The following NINL variants were observed in gnomAD, a reference collection of about 807,000 sequenced individuals.
NINL encodes the protein ninein like.
A neutral mutation model predicts 160.3 loss-of-function variants in NINL; 153 were observed. The ratio of observed to expected loss-of-function variants is 0.95; its 90% CI spans 0.84 to 1.09. The LOEUF (loss-of-function observed/expected upper bound fraction) is 1.09. NINL is among the 50% of genes least tolerant of loss of function. The pLI is 0.00. For synonymous variants in NINL, 800 were observed against 734.8 expected (o/e 1.09, Z -1.43); for missense variants, 1,829 against 1,764.0 (o/e 1.04, Z -0.66).
At position 25,517,862 on chromosome 20, in the gene NINL, A is replaced by C; in HGVS notation, c.181-13T>G. ...CCTCAAAGTTAACCTGGGTGAATTG[A>C]AGGTGAGAGAGGACAATGTCACTTT... On this transcript the variant is annotated splice_polypyrimidine_tract_variant and intron_variant, in intron 2 of 23. Coordinates refer to ENST00000278886, the MANE Select transcript of NINL (RefSeq NM_025176.6). 1 of 1,560,302 alleles carries C rather than the reference A, an allele frequency of 6.4e-7. No individual in the cohort carries two copies.
intron 1 of NINL, among the ~76,000 whole-genome samples, chr20:25,582,052 T>G (rs2065180400): frequency 6.6e-6 from 1 of 151,834 alleles, no homozygotes. Context: ...GGTCAGGAGA[T>G]GGAGACCATC....
chr20:25,474,399 G>A (rs566681295), intron 17 of NINL, among the ~76,000 whole-genome samples: 69 of 152,302 alleles, frequency 4.5e-4, no homozygotes, highest in African/African-American at 1.5e-3. Context: ...AAATGCACAC[G>A]AAGGAAGAAC....
intron 1 of NINL, among the ~76,000 whole-genome samples, chr20:25,533,673 C>A (rs28714346): frequency 6.6e-6 from 1 of 152,134 alleles, no homozygotes; most frequent in Admixed American, 6.6e-5. Context: ...GACCACAAAA[C>A]GGGAAAAAGA....
At chr20:25,461,398 G>C (rs562407944) in intron 21 of NINL, 124 bp downstream of exon 21, 3 of 636,050 alleles carry the variant, frequency 4.7e-6, no homozygotes, top group Non-Finnish European at 8.2e-6. Context: ...CACCTGGACA[G>C]CTGTGCCCAG....
intron 1 of NINL, among the ~76,000 whole-genome samples, chr20:25,584,917 G>T (rs1188716748): frequency 6.6e-6 from 1 of 152,240 alleles, no homozygotes; most frequent in African/African-American, 2.4e-5. Context: ...GATAAAATTC[G>T]CAACAGACTT....
At chr20:25,533,848 T>C (rs1287463300) in intron 1 of NINL, among the ~76,000 whole-genome samples, 1 of 152,268 alleles carries the variant, frequency 6.6e-6, no homozygotes, top group Non-Finnish European at 1.5e-5. Context: ...AAGCTTTTTA[T>C]AGTTTTAACT....
At chr20:25,482,127 T>A in intron 13 of NINL, 27 bp from the exon 14 acceptor site, 1 of 1,581,120 alleles carries the variant, frequency 6.3e-7, no homozygotes, top group Non-Finnish European at 8.6e-7. Context: ...AGCCACCTCC[T>A]CTAGCAGCTG....
chr20:25,560,791 T>A (rs1307636786), intron 1 of NINL, among the ~76,000 whole-genome samples: 1 of 151,994 alleles, frequency 6.6e-6, no homozygotes, highest in African/African-American at 2.4e-5. Flanking sequence ...GGAGGCAGCA[T>A]CTGAGGGCTC....
At chr20:25,544,178 G>T (rs1199293085) in intron 1 of NINL, among the ~76,000 whole-genome samples, 1 of 146,562 alleles carries the variant, frequency 6.8e-6, no homozygotes, top group Non-Finnish European at 1.5e-5. Flanking sequence ...TCTGTTCACT[G>T]CCCACAATTT....
chr20:25,547,615 G>A lies in NINL; in HGVS notation c.-11-21017C>T, dbSNP rs546751300. On this transcript the variant is annotated intron_variant, in intron 1 of 23. Transcript: ENST00000278886. Reference sequence around the variant, plus strand: ...CCTCTGAAGAGAATTGGAGAATTACGTGGTGTGGAAAGACCACGTTTGGTG... The same window carrying A: ...CCTCTGAAGAGAATTGGAGAATTACATGGTGTGGAAAGACCACGTTTGGTG... Among the ~76,000 whole-genome samples, 12 of 152,310 alleles carry A rather than the reference G, an allele frequency of 7.9e-5. No individual in the cohort carries two copies. In the East Asian group the frequency reaches 1.2e-3, roughly 15 times the overall value.
chr20:25,478,010 GAGATCTCGGCTCACTGCA>G (rs1051630846), intron 16 of NINL, among the ~76,000 whole-genome samples: 1 of 150,410 alleles, frequency 6.6e-6, no homozygotes, highest in Non-Finnish European at 1.5e-5. Context: ...GTGCAATGGC[GAGATCTCGGCTCACTGCA>G]ACCTCCGCCT....
intron 11 of NINL, among the ~76,000 whole-genome samples, chr20:25,490,491 C>T (rs2063605788): frequency 7.3e-6 from 1 of 137,466 alleles, no homozygotes; most frequent in African/African-American, 2.8e-5. Context: ...ACCTGGGAGG[C>T]GGGGCTTGCA....
At chr20:25,474,289 G>A (rs960468640) in intron 17 of NINL, among the ~76,000 whole-genome samples, 1 of 152,224 alleles carries the variant, frequency 6.6e-6, no homozygotes, top group Non-Finnish European at 1.5e-5. Flanking sequence ...CTGCAGCCCT[G>A]CCAGCACCTC....
At chr20:25,570,031 A>T (rs75345357) in intron 1 of NINL, among the ~76,000 whole-genome samples, 2 of 151,496 alleles carry the variant, frequency 1.3e-5, no homozygotes, top group African/African-American at 2.4e-5. Context: ...AAAAAAAAAA[A>T]TTTTAGCTGG....
At chr20:25,524,724 A>G (rs2064324677) in intron 2 of NINL, among the ~76,000 whole-genome samples, 1 of 152,232 alleles carries the variant, frequency 6.6e-6, no homozygotes, top group Admixed American at 6.5e-5. Flanking sequence ...GTCTTGTATC[A>G]TTCCTGTAAA....
At chr20:25,517,634 G>A in intron 3 of NINL, 119 bp downstream of exon 3, 1 of 721,546 alleles carries the variant, frequency 1.4e-6, no homozygotes, top group Admixed American at 3.1e-5. Context: ...TACCTTGGGG[G>A]TGACAGAAAG....
Position 25,466,844 on chromosome 20 carries a change from C to T in NINL, c.3423+545G>A, listed in dbSNP as rs1005171249. On this transcript the variant is annotated intron_variant, in intron 19 of 23. Transcript: ENST00000278886. ...TGGGGAGTGTCCAGGCAGTGTTTGA[C>T]ACCTATAATCCCAGCATTTTGGGAG... Among the ~76,000 whole-genome samples, 6 of 152,274 alleles carry T rather than the reference C, an allele frequency of 3.9e-5. No homozygotes were observed. In the East Asian group the frequency reaches 1.2e-3, roughly 29 times the overall value.
chr20:25,478,455 A>G (rs752374672), intron 16 of NINL, among the ~76,000 whole-genome samples: 2 of 152,208 alleles, frequency 1.3e-5, no homozygotes, highest in African/African-American at 4.8e-5. Flanking sequence ...CTCACACCAG[A>G]ACACATAAAA....
At position 25,531,022 on chromosome 20, in the gene NINL, C is replaced by T. The variant is rs1600286741; in HGVS notation, c.-11-4424G>A. Among the ~76,000 whole-genome samples, 4 of 151,474 alleles carry T rather than the reference C, an allele frequency of 2.6e-5. No individual in the cohort carries two copies. In the South Asian group the frequency reaches 6.3e-4, roughly 24 times the overall value. On this transcript the variant is annotated intron_variant, in intron 1 of 23. Transcript: ENST00000278886. ...GAGACTGGAGCTTATTTCATCCCTACAGCTCAGCCACAAAAGACGGCTGCA... is the reference window on the plus strand; with the variant it reads ...GAGACTGGAGCTTATTTCATCCCTATAGCTCAGCCACAAAAGACGGCTGCA...
Sources: gnomAD v4.1 joint callset for allele counts (sites outside exome capture counted in the v4.1 genomes callset) on GRCh38, gnomAD v4.1.1 for gene constraint, MANE v1.5 for transcripts, NCBI Gene and HGNC (gene_info 2026-07-23, HGNC 2026-07-21) for gene names.